MGAM2: variants seen among roughly 807,000 people sequenced by gnomAD.
MGAM2 encodes the protein maltase-glucoamylase 2 (putative), also known as probable maltase-glucoamylase 2.
Under a neutral mutation model 96.1 loss-of-function variants are expected in MGAM2, and 98 were observed. That is an observed-to-expected ratio of 1.02 (90% confidence interval 0.87 to 1.21). The LOEUF (loss-of-function observed/expected upper bound fraction) is 1.21. MGAM2 is among the 50% of genes most tolerant of loss of function. The pLI is 0.00. For synonymous variants in MGAM2, 749 were observed against 414.8 expected (o/e 1.81, Z -9.79); for missense variants, 2,055 against 1,182.4 (o/e 1.74, Z -10.82).
At chr7:142,202,837 A>G (rs1797281950) in intron 45 of MGAM2, among the ~76,000 whole-genome samples, 1 of 152,174 alleles carries the variant, frequency 6.6e-6, no homozygotes, top group Non-Finnish European at 1.5e-5. Context: ...ATACCAAGTA[A>G]TGAGATTGCT....
rs1320798035 is a variant in MGAM2, at chr7:142,147,558, C to A, written c.1619C>A (p.Ala540Glu). The change falls in exon 15 of 48, where the codon GCA (alanine) becomes GAA (glutamate). Residue 540 changes from alanine (A) to glutamate (E), a missense_variant. Transcript: ENST00000477922. The part of the protein sequence containing the change: ...DIHSLYGHSM[A>E]RTTNLALETI... ...CACAGCTTGTATGGCCACTCCATGG[C>A]AAGAACCACAAACTTGTAAGGACTT... 1 of 702,578 alleles carries A rather than the reference C, an allele frequency of 1.4e-6. No individual in the cohort carries two copies. The highest frequency in any genetic ancestry group is 2.6e-6 in the Non-Finnish European group (1 of 384,812). 43.5% of individuals were successfully genotyped at this position (702,578 alleles called of 1,614,324 possible).
intron 8 of MGAM2, 39 bp from the exon 9 acceptor site, chr7:142,137,394 A>G (rs1014945407): frequency 4.5e-6 from 3 of 671,290 alleles, no homozygotes; most frequent in Admixed American, 4.4e-5. Flanking sequence ...TTTACTTCCA[A>G]CCATAAGATT....
chr7:142,150,232 C>T (rs1046270422), intron 15 of MGAM2, among the ~76,000 whole-genome samples: 2 of 152,156 alleles, frequency 1.3e-5, no homozygotes, highest in African/African-American at 4.8e-5. Context: ...TGAGCCACCA[C>T]GCCTGGCTGA....
At chr7:142,170,047 A>T in intron 26 of MGAM2, 28 bp from the exon 27 acceptor site, 1 of 686,838 alleles carries the variant, frequency 1.5e-6, no homozygotes, top group Non-Finnish European at 2.6e-6. Flanking sequence ...AGACCCTAAC[A>T]GAAAGTTTTC....
Position 142,172,721 on chromosome 7 carries a change from T to G in MGAM2, c.3518T>G (p.Val1173Gly), listed in dbSNP as rs367896208. 8 of 704,332 alleles carry G rather than the reference T, an allele frequency of 1.1e-5. No homozygotes were observed. The African/African-American group carries it at 1.4e-4, about 12-fold the overall frequency. 43.6% of individuals were successfully genotyped at this position (704,332 alleles called of 1,614,324 possible). ...GGAGGGATTTTGGACTTCTACATTG[T>G]TTTGGGGCCAACCCCTGAACTTGTA... ...TTGGILDFYI[V>G]LGPTPELVTQ... is the part of the protein sequence containing the mutation. The change falls in exon 30 of 48, where the codon GTT becomes GGT. Residue 1173 changes from valine to glycine, a missense_variant. Val to Gly is a moderately radical substitution (Grantham distance 109). Transcript: ENST00000477922.
At chr7:142,183,936 T>C (rs1013472730) in intron 33 of MGAM2, among the ~76,000 whole-genome samples, 4 of 148,480 alleles carry the variant, frequency 2.7e-5, no homozygotes, top group African/African-American at 2.5e-5. Context: ...CTGCTCTGGA[T>C]GTATTCCAGG....
chr7:142,141,792 G>A (rs571843659), intron 12 of MGAM2, among the ~76,000 whole-genome samples: 1 of 152,248 alleles, frequency 6.6e-6, no homozygotes, highest in Admixed American at 6.5e-5. Context: ...GAGCCACCAT[G>A]CCTAACCTAT....
chr7:142,218,878 A>C (rs141972124), intron 47 of MGAM2, among the ~76,000 whole-genome samples: 72 of 152,304 alleles, frequency 4.7e-4, no homozygotes, highest in African/African-American at 1.6e-3. Context: ...AAAACAAAGG[A>C]AAGGGTGATT....
chr7:142,183,950 CT>C (rs748299647), intron 33 of MGAM2, among the ~76,000 whole-genome samples: 1 of 46,148 alleles, frequency 2.2e-5, no homozygotes, highest in East Asian at 7.8e-4. Flanking sequence ...TTCCAGGCTC[CT>C]TTTTTTTTTT....
intron 23 of MGAM2, among the ~76,000 whole-genome samples, chr7:142,163,502 G>A (rs28875315): frequency 0.07 from 10,638 of 152,120 alleles, 566 homozygotes; most frequent in African/African-American, 0.14. Context: ...GGCTGGTCTC[G>A]AACTCCTGAC....
At position 142,148,246 on chromosome 7, in the gene MGAM2, C is replaced by T. The variant is rs1440979894; in HGVS notation, c.1634+673C>T. 6.6e-6 allele frequency among the ~76,000 whole-genome samples: 1 copy of T among 151,798 alleles called. No homozygotes were observed. The highest frequency in any genetic ancestry group is 6.6e-5 in the Admixed American group (1 of 15,240). On this transcript the variant is annotated intron_variant, in intron 15 of 47. Transcript: ENST00000477922. The surrounding 1 kb of genome is among the most constrained non-coding windows in gnomAD (Gnocchi z 4.2). ...ACTACTATCACCATCACCACCACCA[C>T]AGTTATCACCACCATCCCCCCCACC...
At position 142,120,355 on chromosome 7, in the gene MGAM2, T is replaced by G; in HGVS notation, c.160T>G (p.Cys54Gly). ...GATTCCCCAGTCGGAAAGGATAGAC[T>G]GCACACCTGACCAGGAGGTGACCGA... is the stretch of plus-strand genomic sequence containing the variant. ...PEIPQSERID[C>G]TPDQEVTEDI... Residue 54 changes from cysteine to glycine, a missense_variant, in exon 3 of 48, where the codon TGC becomes GGC. Cys to Gly is a radical substitution (Grantham distance 159, BLOSUM62 -3). Transcript: ENST00000477922. The G allele has an allele frequency of 1.4e-6, 1 of 703,144 alleles. No individual in the cohort carries two copies. The highest frequency in any genetic ancestry group is 1.5e-5 in the South Asian group (1 of 67,568). 43.6% of individuals were successfully genotyped at this position (703,144 alleles called of 1,614,324 possible).
chr7:142,189,816 A>G (rs923959196), intron 37 of MGAM2, among the ~76,000 whole-genome samples: 1 of 152,216 alleles, frequency 6.6e-6, no homozygotes, highest in Non-Finnish European at 1.5e-5. Context: ...AATCATTTCT[A>G]CCTTGTTCCT....
chr7:142,149,246 A>AT (rs1213425151), intron 15 of MGAM2, among the ~76,000 whole-genome samples: 2 of 151,784 alleles, frequency 1.3e-5, no homozygotes, highest in Non-Finnish European at 2.9e-5. Context: ...AAAATAAAAA[A>AT]AGATACTTCT....
chr7:142,135,103 A>G (rs1163816772), intron 7 of MGAM2, among the ~76,000 whole-genome samples: 1 of 151,972 alleles, frequency 6.6e-6, no homozygotes, highest in East Asian at 1.9e-4. Context: ...TCCATGCAAG[A>G]ACTGCAAGTT....
intron 6 of MGAM2, among the ~76,000 whole-genome samples, chr7:142,133,013 TA>T (rs1411981666): frequency 1.5e-5 from 2 of 132,318 alleles, no homozygotes; most frequent in African/African-American, 5.8e-5. Flanking sequence ...TATTTATATT[TA>T]ATTTATATTT....
chr7:142,205,390 G>A (rs920955258), intron 45 of MGAM2, among the ~76,000 whole-genome samples: 1 of 152,064 alleles, frequency 6.6e-6, no homozygotes, highest in Admixed American at 6.5e-5. Flanking sequence ...ATATCCAACT[G>A]TTTTCTATAG....
chr7:142,212,252 C>A (rs1192187526), intron 46 of MGAM2, among the ~76,000 whole-genome samples: 1 of 152,122 alleles, frequency 6.6e-6, no homozygotes, highest in Non-Finnish European at 1.5e-5. Flanking sequence ...CAAAAATAAA[C>A]CAAAATGTAA....
At position 142,148,352 on chromosome 7, in the gene MGAM2, A is replaced by C. The variant is rs1329535328; in HGVS notation, c.1634+779A>C. Among the ~76,000 whole-genome samples the C allele has an allele frequency of 6.6e-6, 1 of 151,104 alleles. No individual in the cohort carries two copies. Among genetic ancestry groups the C allele is most frequent in the East Asian group, 1.9e-4 (1 of 5,146 alleles). ...CATCATAACCGCTACCACTACCATC[A>C]CCACCACCACTACCATGACCACCAC... On this transcript the variant is annotated intron_variant, in intron 15 of 47. Transcript: ENST00000477922. This position sits in a 1 kb window ranked among gnomAD's most constrained non-coding sequence, Gnocchi z 4.2.
Sources: allele counts gnomAD v4.1 joint callset (sites outside exome capture counted in the v4.1 genomes callset), GRCh38; gene constraint gnomAD v4.1.1; non-coding constraint Gnocchi (gnomAD v3.1); transcripts MANE v1.5; gene names NCBI Gene and HGNC (gene_info 2026-07-23, HGNC 2026-07-21).